The following ATP2C1 variants were observed in gnomAD, a reference collection of about 807,000 sequenced individuals.
ATP2C1 encodes ATPase secretory pathway Ca2+ transporting 1.
ATP2C1 carries 31 observed loss-of-function variants against 120.5 expected under a neutral mutation model. The observed-to-expected ratio is 0.26, with a 90% confidence interval of 0.19 to 0.35. The LOEUF (loss-of-function observed/expected upper bound fraction) is 0.35. Ranked by LOEUF, ATP2C1 falls within the 10% of genes least tolerant of loss-of-function variation. ATP2C1 has a pLI of 1.00. For synonymous variants in ATP2C1, 351 were observed against 358.7 expected (o/e 0.98, Z 0.24); for missense variants, 731 against 1,107.5 (o/e 0.66, Z 4.83).
At chr3:130,880,107 A>G (rs1272372402) in intron 1 of ATP2C1, among the ~76,000 whole-genome samples, 1 of 152,222 alleles carries the variant, frequency 6.6e-6, no homozygotes, top group Non-Finnish European at 1.5e-5. Flanking sequence ...GACATTCATT[A>G]AAAGATATAC....
chr3:130,866,920 A>C (rs1224051167), intron 1 of ATP2C1, among the ~76,000 whole-genome samples: 3 of 152,182 alleles, frequency 2.0e-5, no homozygotes, highest in African/African-American at 4.8e-5. Flanking sequence ...GTTCATTGGC[A>C]CTATTTTTCC....
Position 130,999,514 on chromosome 3 carries a change from A to G in ATP2C1, c.2488-4A>G. The G allele has an allele frequency of 2.5e-6, 4 of 1,613,578 alleles. No individual in the cohort carries two copies. Among genetic ancestry groups the G allele is most frequent in the East Asian group, 2.2e-5 (1 of 44,792 alleles). On this transcript the variant is annotated splice_polypyrimidine_tract_variant and splice_region_variant and intron_variant, in intron 26 of 27. Coordinates refer to ENST00000510168, the MANE Select transcript of ATP2C1 (RefSeq NM_001378687.1). ...AATAAATGAACTCTCTGCTCTGCCA[A>G]CAGACCAAGTCTGTGTTTGAGATTG...
chr3:130,982,444 A>C (rs943785935), intron 20 of ATP2C1, among the ~76,000 whole-genome samples: 1 of 152,202 alleles, frequency 6.6e-6, no homozygotes, highest in Non-Finnish European at 1.5e-5. Context: ...TAAGGGGCCT[A>C]TCAAAGCCTG....
intron 2 of ATP2C1, among the ~76,000 whole-genome samples, chr3:130,903,189 C>G (rs1559901259): frequency 6.6e-6 from 1 of 151,968 alleles, no homozygotes; most frequent in African/African-American, 2.4e-5. Flanking sequence ...TGTTTTTCAT[C>G]TTAAACTAAG....
intron 1 of ATP2C1, among the ~76,000 whole-genome samples, chr3:130,885,373 A>G (rs1231669113): frequency 6.6e-6 from 1 of 151,992 alleles, no homozygotes; most frequent in African/African-American, 2.4e-5. Context: ...TTCTCTTACT[A>G]TTTTGTTATG....
intron 2 of ATP2C1, among the ~76,000 whole-genome samples, chr3:130,919,391 A>T (rs1386702197): frequency 1.3e-5 from 2 of 151,572 alleles, no homozygotes; most frequent in African/African-American, 4.9e-5. Flanking sequence ...CACCCAGCTA[A>T]TTTTTATAGT....
intron 1 of ATP2C1, among the ~76,000 whole-genome samples, chr3:130,878,873 A>T (rs762752012): frequency 1.3e-5 from 2 of 152,096 alleles, no homozygotes; most frequent in African/African-American, 4.8e-5. Context: ...TTTTGTGTTG[A>T]ATTTATTTGG....
At chr3:131,016,103 T>A in intron 26 of ATP2C1, 1 of 1,605,426 alleles carries the variant, frequency 6.2e-7, no homozygotes, top group Non-Finnish European at 8.5e-7. Flanking sequence ...TATTTACTTT[T>A]GTGTGCTTCC....
chr3:130,891,906 A>G (rs1274690842), upstream of ATP2C1, among the ~76,000 whole-genome samples: 1 of 152,198 alleles, frequency 6.6e-6, no homozygotes, highest in African/African-American at 2.4e-5. Flanking sequence ...CTCAGACACC[A>G]AAATTTCCAG....
At chr3:130,998,198 C>A in intron 25 of ATP2C1, 96 bp from the exon 26 acceptor site, 17 of 833,390 alleles carry the variant, frequency 2.0e-5, no homozygotes, top group Non-Finnish European at 2.8e-5. Flanking sequence ...GTTATTTCTT[C>A]CTAATGGAAA....
intron 6 of ATP2C1, among the ~76,000 whole-genome samples, chr3:130,937,900 C>T (rs1434406189): frequency 6.6e-6 from 1 of 152,160 alleles, no homozygotes; most frequent in Non-Finnish European, 1.5e-5. Flanking sequence ...CTGTGATGTA[C>T]CATTTGAAGA....
intron 11 of ATP2C1, among the ~76,000 whole-genome samples, 183 bp downstream of exon 11, chr3:130,956,362 TC>T (rs2060581278): frequency 6.6e-6 from 1 of 152,134 alleles, no homozygotes; most frequent in African/African-American, 2.4e-5. Context: ...GAACTCTGAT[TC>T]TTGTAATCAG....
At chr3:131,015,278 A>G (rs2063555726) in intron 26 of ATP2C1, 1 of 697,174 alleles carries the variant, frequency 1.4e-6, no homozygotes, top group Admixed American at 2.0e-5. Flanking sequence ...AATAAAATAG[A>G]CAAGCCCCTC....
At chr3:130,986,864 A>ATTAGT (rs1230278748) in intron 20 of ATP2C1, among the ~76,000 whole-genome samples, 95 of 137,458 alleles carry the variant, frequency 6.9e-4, no homozygotes, top group Admixed American at 3.1e-3. Context: ...CAGCTTTTTG[A>ATTAGT]TTAGTTTAGT....
At position 130,967,436 on chromosome 3, in the gene ATP2C1, CTCT is replaced by C. The variant is rs747992001; in HGVS notation, c.1308+22_1308+24del. The C allele has an allele frequency of 3.4e-5, 54 of 1,605,610 alleles. No individual in the cohort carries two copies. The highest frequency in any genetic ancestry group is 4.6e-5 in the Non-Finnish European group (54 of 1,172,586). The stretch of plus-strand genomic sequence containing the variant: ...GCAATGAAGGTACGTACCTAAATTT[CTCT>C]TCTTTGACATTTGAGACACTGCCCT... On this transcript the variant is annotated intron_variant, in intron 16 of 27. Coordinates refer to ENST00000510168, the MANE Select transcript of ATP2C1 (RefSeq NM_001378687.1).
rs761912133 is a variant in ATP2C1, at chr3:130,941,685, T to C, written c.517T>C (p.Leu173=). Residue 173 remains leucine (L), a synonymous_variant, in exon 8 of 28, where the codon TTA becomes CTA. Coordinates refer to ENST00000510168, the MANE Select transcript of ATP2C1 (RefSeq NM_001378687.1). The part of the protein sequence containing the change: ...LSVGDRVPAD[L]RLFEAVDLSI... ...TGTTGGGGATAGAGTTCCTGCTGAC[T>C]TACGCTTGTTTGAGGTAAATTTGGG... is the stretch of plus-strand genomic sequence containing the variant. The C allele has an allele frequency of 5.6e-6, 9 of 1,613,870 alleles. No individual in the cohort carries two copies. The highest frequency in any genetic ancestry group is 1.7e-5 in the Admixed American group (1 of 60,028).
chr3:131,005,855 T>C (rs2063087373), downstream of ATP2C1, among the ~76,000 whole-genome samples: 1 of 152,198 alleles, frequency 6.6e-6, no homozygotes, highest in African/African-American at 2.4e-5. Context: ...AGGGAATCTG[T>C]TATTAAGGTT....
intron 1 of ATP2C1, among the ~76,000 whole-genome samples, chr3:130,885,406 C>T (rs933377150): frequency 9.9e-5 from 15 of 151,890 alleles, no homozygotes; most frequent in Non-Finnish European, 1.5e-4. Context: ...GTTTTGTGGT[C>T]TTCTCTTCCT....
intron 1 of ATP2C1, among the ~76,000 whole-genome samples, chr3:130,851,595 T>G (rs1228635220): frequency 6.6e-6 from 1 of 152,256 alleles, no homozygotes; most frequent in Non-Finnish European, 1.5e-5. Context: ...TTTTATGGTG[T>G]GAGATTTATA....
Sources: allele counts gnomAD v4.1 joint callset (sites outside exome capture counted in the v4.1 genomes callset), GRCh38; gene constraint gnomAD v4.1.1; transcripts MANE v1.5; gene names NCBI Gene and HGNC (gene_info 2026-07-23, HGNC 2026-07-21).